The following LGR6 variants were observed in gnomAD, a reference collection of about 807,000 sequenced individuals.
LGR6 encodes leucine-rich repeat-containing G protein-coupled receptor 6.
A neutral mutation model predicts 69.4 loss-of-function variants in LGR6; 45 were observed. That is an observed-to-expected ratio of 0.65 (90% confidence interval 0.51 to 0.83). LGR6 has a LOEUF of 0.83. LGR6 is among the 40% of genes least tolerant of loss of function. The pLI, the probability that LGR6 is intolerant of heterozygous loss-of-function variation, is 0.00. For synonymous variants in LGR6, 538 were observed against 555.0 expected (o/e 0.97, Z 0.43); for missense variants, 1,108 against 1,246.7 (o/e 0.89, Z 1.68).
chr1:202,213,549 A>C (rs549081114), intron 1 of LGR6, among the ~76,000 whole-genome samples: 3 of 152,256 alleles, frequency 2.0e-5, no homozygotes, highest in East Asian at 3.9e-4. Flanking sequence ...GGGCTGACCC[A>C]GAACGCCCTC....
At chr1:202,225,571 G>A in intron 2 of LGR6, 77 bp downstream of exon 2, 6 of 1,327,828 alleles carry the variant, frequency 4.5e-6, no homozygotes, top group Non-Finnish European at 6.5e-6. Flanking sequence ...TCCCCAGGAG[G>A]TGGGGTGGAG....
intron 4 of LGR6, among the ~76,000 whole-genome samples, chr1:202,271,242 G>A (rs946754645): frequency 1.3e-5 from 2 of 152,082 alleles, no homozygotes; most frequent in Non-Finnish European, 2.9e-5. Context: ...TTCTGCTGGC[G>A]GCTCGGAGAC....
chr1:202,211,474 G>C (rs918331750), intron 1 of LGR6, among the ~76,000 whole-genome samples: 25 of 152,104 alleles, frequency 1.6e-4, no homozygotes, highest in African/African-American at 5.8e-4. Context: ...CAATTCTCCT[G>C]ACTCAGCCTC....
chr1:202,305,073 C>T (rs1424261307), intron 11 of LGR6, among the ~76,000 whole-genome samples: 1 of 152,080 alleles, frequency 6.6e-6, no homozygotes, highest in East Asian at 1.9e-4. Flanking sequence ...ATCTGAGGCT[C>T]CTCATCAGGG....
intron 1 of LGR6, chr1:202,194,699 T>TGGGGCCGGGGGG: frequency 1.1e-5 from 1 of 94,694 alleles, no homozygotes; most frequent in Non-Finnish European, 2.0e-5. Flanking sequence ...GTGGCCTTCG[T>TGGGGCCGGGGGG]GGGGGCGGGG....
At chr1:202,240,114 T>G (rs1315688512) in intron 4 of LGR6, among the ~76,000 whole-genome samples, 1 of 152,144 alleles carries the variant, frequency 6.6e-6, no homozygotes, top group Non-Finnish European at 1.5e-5. Flanking sequence ...GGCTCACGCC[T>G]GTAATCCCAG....
chr1:202,278,020 A>C (rs1308907037), intron 5 of LGR6, among the ~76,000 whole-genome samples: 2 of 152,194 alleles, frequency 1.3e-5, no homozygotes, highest in African/African-American at 4.8e-5. Context: ...TCAGGAGAAG[A>C]AGCTGGAAAG....
At chr1:202,263,094 C>T (rs1409980340) in intron 4 of LGR6, among the ~76,000 whole-genome samples, 2 of 151,632 alleles carry the variant, frequency 1.3e-5, no homozygotes, top group African/African-American at 4.9e-5. Context: ...TCTACTACAC[C>T]CTCAATAAAT....
intron 1 of LGR6, chr1:202,203,811 G>A: frequency 1.9e-6 from 3 of 1,613,858 alleles, no homozygotes; most frequent in East Asian, 2.2e-5. Context: ...AAAACCCACA[G>A]GCCAAGGAAT....
chr1:202,288,588 C>T (rs190736905), intron 6 of LGR6, among the ~76,000 whole-genome samples: 2 of 152,308 alleles, frequency 1.3e-5, no homozygotes, highest in East Asian at 3.9e-4. Flanking sequence ...GCTGCAGTCA[C>T]ATCTATACTC....
At chr1:202,251,919 G>A (rs1663287489) in intron 4 of LGR6, among the ~76,000 whole-genome samples, 1 of 152,144 alleles carries the variant, frequency 6.6e-6, no homozygotes, top group South Asian at 2.1e-4. Flanking sequence ...TGTTGAGGGA[G>A]GGGCCAGACT....
chr1:202,272,383 T>C (rs1390122698), intron 4 of LGR6, among the ~76,000 whole-genome samples: 5 of 152,196 alleles, frequency 3.3e-5, no homozygotes, highest in African/African-American at 1.2e-4. Context: ...TTCCATGTGC[T>C]CATTCCACCT....
intron 4 of LGR6, among the ~76,000 whole-genome samples, chr1:202,240,262 T>C (rs548456459): frequency 9.9e-5 from 15 of 151,572 alleles, no homozygotes; most frequent in Non-Finnish European, 1.8e-4. Flanking sequence ...TAATCCCAGC[T>C]ACTTGAGAGG....
intron 4 of LGR6, among the ~76,000 whole-genome samples, chr1:202,271,881 T>G (rs1183560517): frequency 6.6e-6 from 1 of 150,738 alleles, no homozygotes; most frequent in East Asian, 2.0e-4. Flanking sequence ...TGCGCCTGTC[T>G]CCTGCTGCCT....
In LGR6 at chr1:202,228,123, C is replaced by A. The variant is rs747418437; in HGVS notation, c.356+116C>A. Reference sequence around the variant, plus strand: ...ACTGACTTGCTTATTATTTCCTTATCTTCACTTTCAGTTTCAATTGTTATT... The same window carrying A: ...ACTGACTTGCTTATTATTTCCTTATATTCACTTTCAGTTTCAATTGTTATT... On this transcript the variant is annotated intron_variant, in intron 3 of 17. Transcript: ENST00000367278. 180 of 640,502 alleles carry A rather than the reference C, an allele frequency of 2.8e-4. 2 individuals are homozygous for A. Among genetic ancestry groups the A allele is most frequent in the Non-Finnish European group, 9.8e-5 (36 of 368,270 alleles). The allele number at this position is 640,502 out of a possible 1,614,324, so 39.7% of individuals were successfully genotyped here.
At chr1:202,311,136 G>A (rs1474517376) in intron 16 of LGR6, among the ~76,000 whole-genome samples, 1 of 152,118 alleles carries the variant, frequency 6.6e-6, no homozygotes, top group Non-Finnish European at 1.5e-5. Flanking sequence ...TTAGGAGGGA[G>A]AGAGTAGGGG....
At chr1:202,220,839 C>T (rs1041260921) in intron 1 of LGR6, among the ~76,000 whole-genome samples, 1 of 151,908 alleles carries the variant, frequency 6.6e-6, no homozygotes, top group Non-Finnish European at 1.5e-5. Context: ...ATCTTAAATG[C>T]TCCTATCAGA....
intron 1 of LGR6, among the ~76,000 whole-genome samples, chr1:202,209,642 A>G (rs1202441921): frequency 6.6e-6 from 1 of 152,260 alleles, no homozygotes; most frequent in African/African-American, 2.4e-5. Context: ...AAACATATTT[A>G]TAAAAGATTG....
chr1:202,279,250 T>G lies in LGR6; in HGVS notation c.645-1531T>G, dbSNP rs546380751. 2.9e-3 allele frequency among the ~76,000 whole-genome samples: 437 copies of G among 152,312 alleles called. 3 individuals carry two copies. Among genetic ancestry groups the G allele is most frequent in the African/African-American group, 9.6e-3 (399 of 41,568 alleles). ...CTCCCAGAAGGCAGTGTTTTCCCCT[T>G]TGGATCAGAAGCTCCCTGGGGACAG... is the stretch of plus-strand genomic sequence containing the variant. On this transcript the variant is annotated intron_variant, in intron 5 of 17. Coordinates refer to ENST00000367278, the MANE Select transcript of LGR6 (RefSeq NM_001017403.2).
Sources: gnomAD v4.1 joint callset for allele counts (sites outside exome capture counted in the v4.1 genomes callset) on GRCh38, gnomAD v4.1.1 for gene constraint, MANE v1.5 for transcripts, NCBI Gene and HGNC (gene_info 2026-07-23, HGNC 2026-07-21) for gene names.